NUP98: variants seen among roughly 807,000 people sequenced by gnomAD.
The protein encoded by NUP98 is nucleoporin 98 and 96 precursor.
A neutral mutation model predicts 191.9 loss-of-function variants in NUP98; 26 were observed. The observed-to-expected ratio is 0.14, with a 90% confidence interval of 0.10 to 0.19. The LOEUF is 0.19. Ranked by LOEUF, NUP98 falls within the 10% of genes least tolerant of loss-of-function variation. The pLI is 1.00. For synonymous variants in NUP98, 808 were observed against 778.4 expected (o/e 1.04, Z -0.63); for missense variants, 1,941 against 2,178.8 (o/e 0.89, Z 2.17).
chr11:3,775,764 C>T (rs1428345420), intron 5 of NUP98, 118 bp downstream of exon 5: 3 of 881,666 alleles, frequency 3.4e-6, no homozygotes, highest in African/African-American at 3.4e-5. Context: ...TTGTTTTTAA[C>T]ACATCGTTCA....
chr11:3,728,611 C>T (rs112873446), intron 14 of NUP98, among the ~76,000 whole-genome samples: 4 of 151,874 alleles, frequency 2.6e-5, no homozygotes, highest in Admixed American at 6.6e-5. Flanking sequence ...TGGTGGTGGG[C>T]GCCTGTAGTC....
At position 3,739,884 on chromosome 11, in the gene NUP98, CCT is replaced by C. The variant is rs566396964; in HGVS notation, c.1409-4562_1409-4561del. Among the ~76,000 whole-genome samples the C allele has an allele frequency of 3.6e-3, 552 of 152,172 alleles. 1 individual carries two copies. Among genetic ancestry groups the C allele is most frequent in the Non-Finnish European group, 5.4e-3 (369 of 68,012 alleles). Reference sequence around the variant, plus strand: ...TGTGTGGATTTCCTCCTCTGCCACCCCTGAGAGAGCAAGACCAACACCTTCCT... The same window carrying C: ...TGTGTGGATTTCCTCCTCTGCCACCCGAGAGAGCAAGACCAACACCTTCCT... On this transcript the variant is annotated intron_variant, in intron 12 of 32. Transcript: ENST00000324932.
At chr11:3,722,012 T>C (rs1018769055) in intron 16 of NUP98, among the ~76,000 whole-genome samples, 30 of 151,060 alleles carry the variant, frequency 2.0e-4, no homozygotes, top group African/African-American at 7.3e-4. Context: ...ATGAAAAAAC[T>C]AGAATATAAA....
intron 11 of NUP98, among the ~76,000 whole-genome samples, chr11:3,752,129 G>A (rs1394173063): frequency 1.3e-5 from 2 of 148,200 alleles, no homozygotes; most frequent in African/African-American, 5.0e-5. Flanking sequence ...GGGGGACGGA[G>A]CAAGACTCCA....
rs576065012 is a variant in NUP98, at chr11:3,753,893, T to C, written c.1175-485A>G. Among the ~76,000 whole-genome samples, 13 of 149,274 alleles carry C rather than the reference T, an allele frequency of 8.7e-5. 1 individual carries two copies. In the South Asian group the frequency reaches 2.8e-3, roughly 32 times the overall value. On this transcript the variant is annotated intron_variant, in intron 10 of 32. Transcript: ENST00000324932. The stretch of plus-strand genomic sequence containing the variant: ...GGCAAAGGTTGCAGTGAGCCTAGAT[T>C]GCGCCACTGCACTCCAGCCTGGGCA...
At chr11:3,689,401 C>CCT (rs1174667148) in intron 28 of NUP98, among the ~76,000 whole-genome samples, 1 of 151,940 alleles carries the variant, frequency 6.6e-6, no homozygotes, top group East Asian at 1.9e-4. Context: ...GTGGTGGGTG[C>CCT]CTCTAGTCCC....
intron 26 of NUP98, among the ~76,000 whole-genome samples, chr11:3,693,688 T>G (rs1443552132): frequency 1.3e-5 from 2 of 152,162 alleles, no homozygotes; most frequent in Non-Finnish European, 2.9e-5. Context: ...ACACTGTGCC[T>G]GGTCCCAGGA....
chr11:3,780,161 G>A (rs1427667921), intron 2 of NUP98, among the ~76,000 whole-genome samples: 1 of 151,922 alleles, frequency 6.6e-6, no homozygotes, highest in East Asian at 1.9e-4. Context: ...ACTGTGATGG[G>A]CACTTTTAGT....
Position 3,686,064 on chromosome 11 carries a change from C to T in NUP98, c.4585G>A (p.Gly1529Ser). 1.2e-6 allele frequency: 2 copies of T among 1,614,212 alleles called. No individual in the cohort carries two copies. Among genetic ancestry groups the T allele is most frequent in the Non-Finnish European group, 1.7e-6 (2 of 1,180,042 alleles). ...NYTHLSAQCEGVLQASYAGQL... is the reference protein window; with the variant it reads ...NYTHLSAQCESVLQASYAGQL... ...CCAGCGTAACTGGCCTGTAGCACAC[C>T]TTCACACTGCGCTGAGAGATGGGTG... The change falls in exon 29 of 33, where the codon GGT becomes AGT. Residue 1529 changes from glycine to serine, a missense_variant. Physicochemically the swap from Gly to Ser is moderately conservative, Grantham distance 56. This residue lies in a region of NUP98 where 1,030 missense variants were observed against 1,115.8 expected (regional missense o/e 0.92). Transcript: ENST00000324932.
intron 5 of NUP98, among the ~76,000 whole-genome samples, chr11:3,774,318 A>G (rs1181626370): frequency 6.6e-6 from 1 of 152,216 alleles, no homozygotes; most frequent in East Asian, 1.9e-4. Context: ...AGGCTGAGGC[A>G]GGAGAATCGC....
chr11:3,747,937 T>C (rs1274800787), intron 11 of NUP98, among the ~76,000 whole-genome samples: 1 of 152,176 alleles, frequency 6.6e-6, no homozygotes, highest in African/African-American at 2.4e-5. Context: ...ACAGTGTGTG[T>C]GCTTGCTGAC....
At chr11:3,765,065 T>C (rs771892030) in intron 8 of NUP98, among the ~76,000 whole-genome samples, 4 of 152,230 alleles carry the variant, frequency 2.6e-5, no homozygotes, top group Non-Finnish European at 5.9e-5. Flanking sequence ...TACTACTGAA[T>C]TATAAGAGTT....
intron 2 of NUP98, chr11:3,781,490 TTTAAAAAAAAAAAAA>T (rs1418444072): frequency 9.1e-6 from 1 of 109,978 alleles, no homozygotes; most frequent in African/African-American, 3.8e-5. Flanking sequence ...ACTTTCTGGT[TTTAAAAAAAAAAAAA>T]AAAAAAAAAA....
intron 12 of NUP98, among the ~76,000 whole-genome samples, 154 bp from the exon 13 acceptor site, chr11:3,735,478 C>A (rs1188205207): frequency 1.3e-5 from 2 of 151,800 alleles, no homozygotes; most frequent in Non-Finnish European, 2.9e-5. Flanking sequence ...GTGTGTAGAG[C>A]AAACTGTAAA....
chr11:3,719,326 G>A, intron 18 of NUP98, 86 bp downstream of exon 18: 4 of 1,056,590 alleles, frequency 3.8e-6, no homozygotes, highest in Non-Finnish European at 2.8e-6. Flanking sequence ...GCAAGCTACA[G>A]AAGCATACAT....
At chr11:3,760,709 G>C in intron 9 of NUP98, 83 bp from the exon 10 acceptor site, 2 of 1,117,274 alleles carry the variant, frequency 1.8e-6, no homozygotes, top group Non-Finnish European at 2.6e-6. Context: ...AGGTATACTG[G>C]GTTGGGTATG....
chr11:3,773,297 C>T (rs529577147), intron 6 of NUP98, among the ~76,000 whole-genome samples: 6 of 151,722 alleles, frequency 4.0e-5, no homozygotes, highest in East Asian at 1.9e-4. Context: ...CCACCTACTT[C>T]GGAGGCTAAG....
chr11:3,742,555 T>G (rs756475601), intron 12 of NUP98, among the ~76,000 whole-genome samples: 1 of 151,688 alleles, frequency 6.6e-6, no homozygotes, highest in Non-Finnish European at 1.5e-5. Context: ...ACAAAAATTA[T>G]ATGCGTGGTG....
intron 1 of NUP98, among the ~76,000 whole-genome samples, chr11:3,792,127 C>T (rs553901136): frequency 1.7e-4 from 21 of 125,754 alleles, no homozygotes; most frequent in Non-Finnish European, 2.5e-4. Context: ...TGCAATAAGC[C>T]GAGATCGTGC....
Sources: allele counts gnomAD v4.1 joint callset (sites outside exome capture counted in the v4.1 genomes callset), GRCh38; gene constraint gnomAD v4.1.1; regional missense constraint gnomAD v4.1.1; transcripts MANE v1.5; gene names NCBI Gene and HGNC (gene_info 2026-07-23, HGNC 2026-07-21).